The following MCOLN3 variants were observed in gnomAD, a reference collection of about 807,000 sequenced individuals.
MCOLN3 encodes mucolipin TRP cation channel 3, also known as mucolipin-3.
MCOLN3 carries 62 observed loss-of-function variants against 69.4 expected under a neutral mutation model. That is an observed-to-expected ratio of 0.89 (90% CI 0.73 to 1.10). MCOLN3 has a LOEUF of 1.10. MCOLN3 is among the 50% of genes least tolerant of loss of function. The probability of loss-of-function intolerance (pLI) is 0.00; values close to 1 mark genes in which losing one functional copy is unlikely to be tolerated. For missense variants in MCOLN3, 564 were observed against 656.4 expected, an observed-to-expected ratio of 0.86 and a Z score of 1.54; for synonymous variants, 183 against 217.0, an observed-to-expected ratio of 0.84 and a Z score of 1.38.
intron 6 of MCOLN3, 28 bp from the exon 7 acceptor site, chr1:85,029,233 CATACTT>C: frequency 1.4e-6 from 2 of 1,411,080 alleles, no homozygotes; most frequent in Non-Finnish European, 1.0e-6. Context: ...CAGTCAAAAA[CATACTT>C]ATAGTTTTGG....
intron 3 of MCOLN3, among the ~76,000 whole-genome samples, chr1:85,037,709 G>T (rs1198543798): frequency 6.6e-6 from 1 of 152,178 alleles, no homozygotes; most frequent in Non-Finnish European, 1.5e-5. Context: ...CCAGCTAGAG[G>T]GCAGCTCTAG....
In MCOLN3 at chr1:85,041,165, C is replaced by A; in HGVS notation, c.241G>T (p.Gly81Trp). 1 of 1,611,274 alleles carries A rather than the reference C, an allele frequency of 6.2e-7. No homozygotes were observed. The highest frequency in any genetic ancestry group is 8.5e-7 in the Non-Finnish European group (1 of 1,179,316). Residue 81 changes from glycine (G) to tryptophan (W), a missense_variant, in exon 3 of 13, where the codon GGG (glycine) becomes TGG (tryptophan). By Grantham distance (184) the Gly-to-Trp change is radical. Coordinates refer to ENST00000370589, the MANE Select transcript of MCOLN3 (RefSeq NM_018298.11). Reference sequence around the variant, plus strand: ...GCTACCACCATCTGGTTACTTAGCCCAAATAAGACCAGCTTAAAAGAAAAA... The same window carrying A: ...GCTACCACCATCTGGTTACTTAGCCAAAATAAGACCAGCTTAAAAGAAAAA... ...AMVTIQLVLF[G>W]LSNQMVVAFK...
At chr1:85,026,363 ATAAT>A in intron 7 of MCOLN3, 79 bp from the exon 8 acceptor site, 2 of 970,576 alleles carry the variant, frequency 2.1e-6, no homozygotes, top group East Asian at 4.9e-5. Flanking sequence ...AATCATTTAA[ATAAT>A]TCAAGCATTC....
intron 3 of MCOLN3, among the ~76,000 whole-genome samples, chr1:85,038,272 C>T (rs1015352171): frequency 1.3e-5 from 2 of 152,018 alleles, no homozygotes; most frequent in Middle Eastern, 6.3e-3. Context: ...ATGGCTGAGG[C>T]TGGGTAGTGG....
chr1:85,033,024 A>C, intron 4 of MCOLN3, 68 bp from the exon 5 acceptor site: 1 of 1,235,610 alleles, frequency 8.1e-7, no homozygotes. Flanking sequence ...AGGCTGATAC[A>C]TTTAAGACCA....
chr1:85,046,152 G>A (rs1653338819), intron 1 of MCOLN3, among the ~76,000 whole-genome samples: 1 of 152,298 alleles, frequency 6.6e-6, no homozygotes, highest in East Asian at 1.9e-4. Flanking sequence ...GGTTCTTAAG[G>A]GGCAGTATGA....
At chr1:85,038,458 T>C (rs527943817) in intron 3 of MCOLN3, among the ~76,000 whole-genome samples, 1 of 152,200 alleles carries the variant, frequency 6.6e-6, no homozygotes, top group Admixed American at 6.5e-5. Flanking sequence ...GAAACATATA[T>C]AATAAACAGT....
intron 7 of MCOLN3, among the ~76,000 whole-genome samples, chr1:85,027,613 C>T (rs890623827): frequency 2.6e-5 from 4 of 152,178 alleles, no homozygotes; most frequent in Non-Finnish European, 5.9e-5. Flanking sequence ...TGCAAGCCCT[C>T]CAGGTGATGC....
intron 2 of MCOLN3, among the ~76,000 whole-genome samples, chr1:85,043,186 TCTC>T (rs1204733699): frequency 1.3e-5 from 2 of 152,184 alleles, no homozygotes; most frequent in African/African-American, 2.4e-5. Flanking sequence ...CCCTCATTGT[TCTC>T]CTCTGTGAAA....
chr1:85,045,983 C>A (rs941171016), intron 1 of MCOLN3, among the ~76,000 whole-genome samples: 8 of 152,198 alleles, frequency 5.3e-5, no homozygotes, highest in African/African-American at 1.9e-4. Flanking sequence ...GGAATAACTA[C>A]ACCTACCCTT....
intron 6 of MCOLN3, chr1:85,029,937 CT>C (rs1465733106): frequency 2.6e-5 from 4 of 152,194 alleles, no homozygotes; most frequent in Admixed American, 2.0e-4. Flanking sequence ...AAAAAAAGTT[CT>C]TTGAAAACTT....
chr1:85,021,581 G>A (rs1651941951), intron 11 of MCOLN3, among the ~76,000 whole-genome samples: 1 of 152,216 alleles, frequency 6.6e-6, no homozygotes, highest in Non-Finnish European at 1.5e-5. Context: ...AAGAGACCTT[G>A]AAATGCCTGT....
rs1286876904 is a variant in MCOLN3 at position 85,045,262 on chromosome 1, T to C, written c.99A>G (p.Leu33=). 2 of 1,614,160 alleles carry C rather than the reference T, an allele frequency of 1.2e-6. No homozygotes were observed. The highest frequency in any genetic ancestry group is 1.1e-5 in the South Asian group (1 of 91,078). The change falls in exon 2 of 13, where the codon CTA becomes CTG. Residue 33 remains leucine, a synonymous_variant. Transcript: ENST00000370589. The part of the protein sequence containing the change: ...NQQTSPSEEL[L]LEDQMRRKLK... ...GTTTTCGCCTCATCTGGTCTTCTAA[T>C]AGAAGCTCCTCAGATGGAGATGTTT...
chr1:85,042,881 ATTTG>A (rs1653138540), intron 2 of MCOLN3, among the ~76,000 whole-genome samples: 4 of 152,188 alleles, frequency 2.6e-5, no homozygotes, highest in Admixed American at 2.0e-4. Flanking sequence ...TTTATCTAAT[ATTTG>A]TTTGATTGCT....
chr1:85,021,627 ACATCT>A (rs1300741651), intron 11 of MCOLN3, among the ~76,000 whole-genome samples: 1 of 152,256 alleles, frequency 6.6e-6, no homozygotes, highest in African/African-American at 2.4e-5. Flanking sequence ...GCATGCTCAT[ACATCT>A]CATTTTAAAG....
chr1:85,033,751 C>T (rs564809077), intron 4 of MCOLN3, among the ~76,000 whole-genome samples: 55 of 152,266 alleles, frequency 3.6e-4, no homozygotes, highest in African/African-American at 1.3e-3. Flanking sequence ...GCATATCCTG[C>T]ACAAGAGATG....
intron 3 of MCOLN3, among the ~76,000 whole-genome samples, chr1:85,037,544 A>G (rs919682305): frequency 6.6e-6 from 1 of 152,216 alleles, no homozygotes; most frequent in Non-Finnish European, 1.5e-5. Context: ...ACCTGTTCAC[A>G]TTATACCTAC....
At chr1:85,036,941 G>A (rs548979047) in intron 3 of MCOLN3, 3 of 152,168 alleles carry the variant, frequency 2.0e-5, no homozygotes, top group Non-Finnish European at 4.4e-5. Flanking sequence ...CCACAGGACA[G>A]GGAATTTATC....
chr1:85,043,579 TG>T, intron 2 of MCOLN3, among the ~76,000 whole-genome samples: 1 of 152,046 alleles, frequency 6.6e-6, no homozygotes, highest in Admixed American at 6.6e-5. Flanking sequence ...ATGTTTAGCC[TG>T]GTATACAGCA....
Sources: gnomAD v4.1 joint callset for allele counts (sites outside exome capture counted in the v4.1 genomes callset) on GRCh38, gnomAD v4.1.1 for gene constraint, MANE v1.5 for transcripts, NCBI Gene and HGNC (gene_info 2026-07-23, HGNC 2026-07-21) for gene names.